ULK4: variants seen among roughly 807,000 people sequenced by gnomAD.
The protein encoded by ULK4 is unc-51 like kinase 4, also known as inactive serine/threonine-protein kinase ULK4.
A neutral mutation model predicts 160.6 loss-of-function variants in ULK4; 133 were observed. That is an observed-to-expected ratio of 0.83 (90% CI 0.72 to 0.96). The LOEUF is 0.96. Ranked by LOEUF, ULK4 falls within the 40% of genes least tolerant of loss-of-function variation. ULK4 has a pLI of 0.00. For synonymous variants in ULK4, 534 were observed against 539.8 expected, an observed-to-expected ratio of 0.99 and a Z score of 0.15; for missense variants, 1,580 against 1,499.5, an observed-to-expected ratio of 1.05 and a Z score of -0.89.
At chr3:41,382,994 A>T (rs1316721242) in intron 35 of ULK4, among the ~76,000 whole-genome samples, 1 of 152,224 alleles carries the variant, frequency 6.6e-6, no homozygotes, top group Non-Finnish European at 1.5e-5. Context: ...TTAAAAAACA[A>T]AATTTAAAAA....
intron 32 of ULK4, among the ~76,000 whole-genome samples, chr3:41,493,282 A>C (rs1349778175): frequency 6.8e-6 from 1 of 146,428 alleles, no homozygotes; most frequent in Non-Finnish European, 1.5e-5. Flanking sequence ...ACTCACTGAA[A>C]ACGGCTCAAC....
chr3:41,375,679 G>A lies in ULK4; in HGVS notation c.3678+22400C>T, dbSNP rs140072664. On this transcript the variant is annotated intron_variant, in intron 35 of 36. Transcript: ENST00000301831. ...TAAGACCTAAACCCATAAAAACCCT[G>A]GAAGAAATCCTAGCCAATACCATTC... Among the ~76,000 whole-genome samples, 453 of 150,292 alleles carry A rather than the reference G, an allele frequency of 3.0e-3. 18 individuals carry two copies. Among genetic ancestry groups the A allele is most frequent in the East Asian group, 0.017 (84 of 4,844 alleles).
intron 32 of ULK4, among the ~76,000 whole-genome samples, chr3:41,484,619 A>AT (rs1284247419): frequency 2.0e-5 from 3 of 151,926 alleles, no homozygotes; most frequent in African/African-American, 4.8e-5. Context: ...CACCCGGCTA[A>AT]TTTTTTGTAT....
intron 32 of ULK4, among the ~76,000 whole-genome samples, chr3:41,495,864 C>G (rs988788245): frequency 6.6e-6 from 1 of 151,688 alleles, no homozygotes; most frequent in African/African-American, 2.4e-5. Context: ...AAATGCAAAT[C>G]AAAACCACAA....
At chr3:41,467,161 C>T (rs2083856436) in intron 32 of ULK4, among the ~76,000 whole-genome samples, 1 of 152,264 alleles carries the variant, frequency 6.6e-6, no homozygotes, top group East Asian at 1.9e-4. Context: ...AGAAATCTTA[C>T]TCCAAGGTAT....
At chr3:41,593,729 T>C (rs966361811) in intron 31 of ULK4, among the ~76,000 whole-genome samples, 1 of 152,154 alleles carries the variant, frequency 6.6e-6, no homozygotes, top group Non-Finnish European at 1.5e-5. Flanking sequence ...GTACCACTCG[T>C]GTAAAAAGAA....
chr3:41,878,750 TG>T (rs1697403753), intron 17 of ULK4, among the ~76,000 whole-genome samples: 1 of 144,660 alleles, frequency 6.9e-6, no homozygotes, highest in Non-Finnish European at 1.5e-5. Flanking sequence ...AAAAGAGTGA[TG>T]GGAATATTTA....
chr3:41,328,094 T>C (rs1575436592), intron 35 of ULK4, among the ~76,000 whole-genome samples: 1 of 151,948 alleles, frequency 6.6e-6, no homozygotes, highest in East Asian at 1.9e-4. Context: ...ATCTGAAGAG[T>C]GGAACGGCCA....
chr3:41,750,811 GA>G, intron 22 of ULK4, among the ~76,000 whole-genome samples: 1 of 151,792 alleles, frequency 6.6e-6, no homozygotes, highest in East Asian at 1.9e-4. Flanking sequence ...CCAACATAGT[GA>G]AACCCTGTCT....
At chr3:41,590,461 C>CAAA (rs71075479) in intron 31 of ULK4, among the ~76,000 whole-genome samples, 789 of 56,878 alleles carry the variant, frequency 0.014, 35 homozygotes, top group African/African-American at 0.046. Flanking sequence ...ACTAAAAATA[C>CAAA]AAAAAAAAAA....
chr3:41,576,348 C>A (rs9818892), intron 31 of ULK4, among the ~76,000 whole-genome samples: 1 of 152,072 alleles, frequency 6.6e-6, no homozygotes, highest in African/African-American at 2.4e-5. Context: ...CTGTGGCCAC[C>A]AAGTGTAGAG....
chr3:41,339,015 C>A (rs1317152847), intron 35 of ULK4, among the ~76,000 whole-genome samples: 1 of 151,886 alleles, frequency 6.6e-6, no homozygotes, highest in Non-Finnish European at 1.5e-5. Flanking sequence ...CAATTCAATG[C>A]TCATCTCTTC....
At chr3:41,757,372 C>T (rs1409342264) in intron 21 of ULK4, among the ~76,000 whole-genome samples, 1 of 152,058 alleles carries the variant, frequency 6.6e-6, no homozygotes, top group African/African-American at 2.4e-5. Flanking sequence ...GTGGCTCACG[C>T]CTGTAATCCC....
intron 32 of ULK4, among the ~76,000 whole-genome samples, chr3:41,483,390 G>A (rs2084395993): frequency 6.6e-6 from 1 of 152,050 alleles, no homozygotes; most frequent in East Asian, 1.9e-4. Context: ...ATATGAAGAC[G>A]AAGCTCTCTT....
chr3:41,492,592 G>A (rs1327453146), intron 32 of ULK4, among the ~76,000 whole-genome samples: 1 of 150,486 alleles, frequency 6.6e-6, no homozygotes, highest in Admixed American at 6.6e-5. Context: ...AACTTTAAAT[G>A]TAATTGGACT....
chr3:41,950,961 G>C (rs550769877), intron 2 of ULK4, among the ~76,000 whole-genome samples: 74 of 151,484 alleles, frequency 4.9e-4, no homozygotes, highest in Non-Finnish European at 8.8e-4. Context: ...TGGCTAACAC[G>C]GTGAAACCTC....
intron 19 of ULK4, among the ~76,000 whole-genome samples, chr3:41,809,179 A>C (rs1404093457): frequency 9.1e-5 from 13 of 143,054 alleles, no homozygotes; most frequent in South Asian, 8.9e-4. Flanking sequence ...AAAAAAACAA[A>C]AAAAAAAACA....
intron 31 of ULK4, among the ~76,000 whole-genome samples, chr3:41,569,842 T>C (rs2087910121): frequency 6.6e-6 from 1 of 152,070 alleles, no homozygotes; most frequent in Non-Finnish European, 1.5e-5. Context: ...CACTTCTCTC[T>C]CCTAGGTATA....
chr3:41,461,623 C>A (rs1044746677), intron 33 of ULK4, among the ~76,000 whole-genome samples: 3 of 152,132 alleles, frequency 2.0e-5, no homozygotes, highest in African/African-American at 7.2e-5. Flanking sequence ...TACTGGGAAA[C>A]CAGCAAGTTG....
Sources: allele counts gnomAD v4.1 joint callset (sites outside exome capture counted in the v4.1 genomes callset), GRCh38; gene constraint gnomAD v4.1.1; transcripts MANE v1.5; gene names NCBI Gene and HGNC (gene_info 2026-07-23, HGNC 2026-07-21).